PCDHGB3: variants seen among roughly 807,000 people sequenced by gnomAD.
The protein encoded by PCDHGB3 is protocadherin gamma-B3.
In PCDHGB3, 40 loss-of-function variants were observed where a neutral mutation model predicts 59.2. That is an observed-to-expected ratio of 0.68 (90% confidence interval 0.52 to 0.88). PCDHGB3 has a LOEUF of 0.88. Ranked by LOEUF, PCDHGB3 falls within the 40% of genes least tolerant of loss-of-function variation. PCDHGB3 has a pLI of 0.00. For synonymous variants in PCDHGB3, 581 were observed against 503.6 expected, an observed-to-expected ratio of 1.15 and a Z score of -2.06; for missense variants, 1,309 against 1,187.9, an observed-to-expected ratio of 1.10 and a Z score of -1.50.
chr5:141,483,870 G>C (rs548525439), intron 1 of PCDHGB3, among the ~76,000 whole-genome samples: 9 of 152,142 alleles, frequency 5.9e-5, no homozygotes, highest in Non-Finnish European at 1.3e-4. Context: ...TCCAGATCAG[G>C]ATGGATTTTT....
chr5:141,489,592 C>A lies in PCDHGB3; in HGVS notation c.2416-5215C>A, dbSNP rs747085985. On this transcript the variant is annotated intron_variant, in intron 1 of 3. Coordinates refer to ENST00000576222, the MANE Select transcript of PCDHGB3 (RefSeq NM_018924.5). The surrounding 1 kb of genome is among the most constrained non-coding windows in gnomAD (Gnocchi z 4.5). ...GACTGAACACCCCCTGGAGCTAATCCGTGTAGAGGTAGAGATCCTGGATCT... is the reference window on the plus strand; with the variant it reads ...GACTGAACACCCCCTGGAGCTAATCAGTGTAGAGGTAGAGATCCTGGATCT... 3 of 1,614,046 alleles carry A rather than the reference C, an allele frequency of 1.9e-6. No homozygotes were observed. Among genetic ancestry groups the A allele is most frequent in the Non-Finnish European group, 2.5e-6 (3 of 1,179,978 alleles).
chr5:141,399,287 C>G (rs1393904771), intron 1 of PCDHGB3: 1 of 1,613,912 alleles, frequency 6.2e-7, no homozygotes, highest in Non-Finnish European at 8.5e-7. Context: ...GGCGAAGTCC[C>G]TTTTAAGATT....
At chr5:141,420,392 G>A (rs1480059498) in intron 1 of PCDHGB3, 2 of 1,268,940 alleles carry the variant, frequency 1.6e-6, no homozygotes, top group East Asian at 5.5e-5. Context: ...CAAAATATAG[G>A]TCAAATTTAT....
At position 141,408,870 on chromosome 5, in the gene PCDHGB3, G is replaced by C. The variant is rs780987841; in HGVS notation, c.2415+36061G>C. ...TTGGACGGAGGGGACCCACCAAGAAGTGCCACCGCTCACATAGAAATTTCT... is the reference window on the plus strand; with the variant it reads ...TTGGACGGAGGGGACCCACCAAGAACTGCCACCGCTCACATAGAAATTTCT... On this transcript the variant is annotated intron_variant, in intron 1 of 3. Coordinates refer to ENST00000576222, the MANE Select transcript of PCDHGB3 (RefSeq NM_018924.5). The C allele has an allele frequency of 1.2e-6, 2 of 1,613,656 alleles. No homozygotes were observed. Among genetic ancestry groups the C allele is most frequent in the South Asian group, 1.1e-5 (1 of 91,026 alleles).
At chr5:141,484,660 T>G in intron 1 of PCDHGB3, among the ~76,000 whole-genome samples, 1 of 151,976 alleles carries the variant, frequency 6.6e-6, no homozygotes, top group Non-Finnish European at 1.5e-5. Flanking sequence ...ACTCTCCCTC[T>G]CAGTGGGCCG....
chr5:141,477,630 T>G lies in PCDHGB3; in HGVS notation c.2416-17177T>G. The G allele has an allele frequency of 6.2e-7, 1 of 1,614,228 alleles. No homozygotes were observed. The highest frequency in any genetic ancestry group is 8.5e-7 in the Non-Finnish European group (1 of 1,180,042). ...TTGGAGCAAGGAGCTGAAACCGGGC[T>G]AGTGGGTCGCTATTTCACAATAAAT... On this transcript the variant is annotated intron_variant, in intron 1 of 3. Coordinates refer to ENST00000576222, the MANE Select transcript of PCDHGB3 (RefSeq NM_018924.5). The surrounding 1 kb of genome is among the most constrained non-coding windows in gnomAD (Gnocchi z 4.9).
In PCDHGB3 at chr5:141,477,875, G is replaced by A. The variant is rs760433987; in HGVS notation, c.2416-16932G>A. Reference sequence around the variant, plus strand: ...GATGCTGCCTCGAGGTACCTCAGCTGGCCACCTAGTGTCACGGGTGGTAGG... The same window carrying A: ...GATGCTGCCTCGAGGTACCTCAGCTAGCCACCTAGTGTCACGGGTGGTAGG... On this transcript the variant is annotated intron_variant, in intron 1 of 3. Coordinates refer to ENST00000576222, the MANE Select transcript of PCDHGB3 (RefSeq NM_018924.5). The surrounding 1 kb of genome is among the most constrained non-coding windows in gnomAD (Gnocchi z 4.9). 1 of 1,614,162 alleles carries A rather than the reference G, an allele frequency of 6.2e-7. No homozygotes were observed. Among genetic ancestry groups the A allele is most frequent in the Non-Finnish European group, 8.5e-7 (1 of 1,180,028 alleles).
chr5:141,455,542 C>T (rs2154565110), intron 1 of PCDHGB3, among the ~76,000 whole-genome samples: 1 of 152,246 alleles, frequency 6.6e-6, no homozygotes, highest in African/African-American at 2.4e-5. Flanking sequence ...ATATCATTCA[C>T]GTAGCCCGAG....
chr5:141,401,106 G>A (rs1259844433), intron 1 of PCDHGB3, among the ~76,000 whole-genome samples: 5 of 152,208 alleles, frequency 3.3e-5, no homozygotes, highest in African/African-American at 9.6e-5. Context: ...CACTTTGGGA[G>A]GCCGAGGCGG....
chr5:141,443,385 T>G (rs2098386152), intron 1 of PCDHGB3, among the ~76,000 whole-genome samples: 2 of 151,940 alleles, frequency 1.3e-5, no homozygotes, highest in African/African-American at 4.8e-5. Flanking sequence ...CTTGGGAGGC[T>G]GAGGTGTGAG....
chr5:141,371,423 T>C lies in PCDHGB3; in HGVS notation c.1029T>C (p.Asn343=). The C allele has an allele frequency of 6.2e-7, 1 of 1,613,962 alleles. No individual in the cohort carries two copies. The highest frequency in any genetic ancestry group is 8.5e-7 in the Non-Finnish European group (1 of 1,179,852). ...TAGATATTTCAGATGAAAATGACAA[T>C]GCCCCGGAGATAACCCTGGCTTCTG... ...VQIDISDEND[N]APEITLASES... is the part of the protein sequence containing the mutation. Residue 343 remains asparagine (N), a synonymous_variant, in exon 1 of 4, where the codon AAT becomes AAC. Coordinates refer to ENST00000576222, the MANE Select transcript of PCDHGB3 (RefSeq NM_018924.5).
chr5:141,492,487 C>T (rs1031047955), intron 1 of PCDHGB3, among the ~76,000 whole-genome samples: 1 of 152,222 alleles, frequency 6.6e-6, no homozygotes, highest in Non-Finnish European at 1.5e-5. Context: ...CGCCCAGGAC[C>T]AGGCGAGGAC....
Position 141,485,741 on chromosome 5 carries a change from C to A in PCDHGB3, c.2416-9066C>A. 6.2e-7 allele frequency: 1 copy of A among 1,614,180 alleles called. No homozygotes were observed. Among genetic ancestry groups the A allele is most frequent in the Non-Finnish European group, 8.5e-7 (1 of 1,179,992 alleles). On this transcript the variant is annotated intron_variant, in intron 1 of 3. Coordinates refer to ENST00000576222, the MANE Select transcript of PCDHGB3 (RefSeq NM_018924.5). This position sits in a 1 kb window ranked among gnomAD's most constrained non-coding sequence, Gnocchi z 5.7. ...TGTGAAGAAGCGCAGCGACGGCAGC[C>A]TGGTCCCAGAGCTGCTCCTGGAGAA...
rs1199574805 is a variant in PCDHGB3 at position 141,372,572 on chromosome 5, C to A, written c.2178C>A (p.Tyr726Ter). 1.2e-6 allele frequency: 2 copies of A among 1,613,940 alleles called. No homozygotes were observed. The highest frequency in any genetic ancestry group is 1.7e-5 in the Admixed American group (1 of 60,016). ...RCSSRPATEG[Y>*]FQPGVCFKTV... The stretch of plus-strand genomic sequence containing the variant: ...CCTCCAGACCCGCCACTGAGGGCTA[C>A]TTTCAGCCTGGTGTCTGCTTCAAGA... Residue 726 changes from tyrosine to a stop codon, truncating the protein, a stop_gained, in exon 1 of 4, where the codon TAC becomes TAA. Transcript: ENST00000576222. LOFTEE classifies it high-confidence loss of function.
At chr5:141,427,239 G>C (rs1160872088) in intron 1 of PCDHGB3, 1 of 456,746 alleles carries the variant, frequency 2.2e-6, no homozygotes, top group East Asian at 6.9e-5. Flanking sequence ...GAGAGTAGAA[G>C]CTAAGGATGG....
rs2099412065 is a variant in PCDHGB3, at chr5:141,477,502, C to T, written c.2416-17305C>T. On this transcript the variant is annotated intron_variant, in intron 1 of 3. Coordinates refer to ENST00000576222, the MANE Select transcript of PCDHGB3 (RefSeq NM_018924.5). This position sits in a 1 kb window ranked among gnomAD's most constrained non-coding sequence, Gnocchi z 4.9. ...CTCCACAATCTTCTCAATCTTCCTACGACGTTTACATTGAAGAAAACAACC... is the reference window on the plus strand; with the variant it reads ...CTCCACAATCTTCTCAATCTTCCTATGACGTTTACATTGAAGAAAACAACC... 2 of 1,614,144 alleles carry T rather than the reference C, an allele frequency of 1.2e-6. No homozygotes were observed. Among genetic ancestry groups the T allele is most frequent in the Non-Finnish European group, 1.7e-6 (2 of 1,180,018 alleles).
intron 2 of PCDHGB3, among the ~76,000 whole-genome samples, chr5:141,496,492 C>A (rs2099769172): frequency 6.6e-6 from 1 of 152,186 alleles, no homozygotes; most frequent in Non-Finnish European, 1.5e-5. Context: ...CCAACCAAAC[C>A]CTTGTTGCCA....
Position 141,370,622 on chromosome 5 carries a change from C to G in PCDHGB3, c.228C>G (p.Thr76=). The change falls in exon 1 of 4, where the codon ACC becomes ACG. Residue 76 remains threonine, a synonymous_variant. Coordinates refer to ENST00000576222, the MANE Select transcript of PCDHGB3 (RefSeq NM_018924.5). ...TTATTGCAGAGAAGAAATTCTTTAC[C>G]GTGAGCCCCGAAAATGGGAACTTAC... ...LRVIAEKKFF[T]VSPENGNLLV... is the part of the protein sequence containing the mutation. 1 of 1,613,902 alleles carries G rather than the reference C, an allele frequency of 6.2e-7. No individual in the cohort carries two copies. The highest frequency in any genetic ancestry group is 1.1e-5 in the South Asian group (1 of 91,072).
At chr5:141,421,601 T>C (rs1309928984) in intron 1 of PCDHGB3, 19 of 1,613,652 alleles carry the variant, frequency 1.2e-5, no homozygotes, top group Non-Finnish European at 1.6e-5. Context: ...GTGGAAATAA[T>C]AGATATTAAT....
Sources: allele counts gnomAD v4.1 joint callset (sites outside exome capture counted in the v4.1 genomes callset), GRCh38; gene constraint gnomAD v4.1.1; non-coding constraint Gnocchi (gnomAD v3.1); transcripts MANE v1.5; gene names NCBI Gene and HGNC (gene_info 2026-07-23, HGNC 2026-07-21).